RSBN1L: variants seen among roughly 807,000 people sequenced by gnomAD.
The protein encoded by RSBN1L is lysine-specific demethylase RSBN1L.
RSBN1L carries 30 observed loss-of-function variants against 67.7 expected under a neutral mutation model. The ratio of observed to expected loss-of-function variants is 0.44; its 90% confidence interval spans 0.33 to 0.60. The LOEUF (loss-of-function observed/expected upper bound fraction) is 0.60, where lower values mean the gene tolerates loss of function less well. RSBN1L is among the 20% of genes least tolerant of loss of function. The probability of loss-of-function intolerance (pLI) is 0.02; values close to 1 mark genes in which losing one functional copy is unlikely to be tolerated. For synonymous variants in RSBN1L, 433 were observed against 387.0 expected (o/e 1.12, Z -1.39); for missense variants, 992 against 1,031.7 (o/e 0.96, Z 0.53).
At chr7:77,736,000 A>G (rs1027386018) in intron 1 of RSBN1L, among the ~76,000 whole-genome samples, 6 of 152,134 alleles carry the variant, frequency 3.9e-5, no homozygotes, top group African/African-American at 9.6e-5. Flanking sequence ...GAAGGTATCA[A>G]TTACCATTTA....
chr7:77,770,925 T>A (rs1791840237), intron 5 of RSBN1L, among the ~76,000 whole-genome samples: 1 of 152,150 alleles, frequency 6.6e-6, no homozygotes, highest in African/African-American at 2.4e-5. Flanking sequence ...CTAGGAGAGA[T>A]TATAGCCTTT....
At chr7:77,766,902 G>A (rs1265251203) in intron 4 of RSBN1L, among the ~76,000 whole-genome samples, 1 of 151,722 alleles carries the variant, frequency 6.6e-6, no homozygotes, top group African/African-American at 2.4e-5. Flanking sequence ...ATGGAATTAG[G>A]TTGCATTTAT....
chr7:77,765,639 G>C lies in RSBN1L; in HGVS notation c.1482+7G>C. On this transcript the variant is annotated splice_region_variant and intron_variant, in intron 4 of 7. Coordinates refer to ENST00000334955, the MANE Select transcript of RSBN1L (RefSeq NM_198467.3). ...AGAGTCACCATTTTTAAAAGTAAGA[G>C]ACAATCTGTCATGGGATTAGAGTTT... 1 of 1,583,070 alleles carries C rather than the reference G, an allele frequency of 6.3e-7. No individual in the cohort carries two copies.
At chr7:77,754,162 T>G (rs1214736646) in intron 3 of RSBN1L, among the ~76,000 whole-genome samples, 1 of 152,174 alleles carries the variant, frequency 6.6e-6, no homozygotes, top group Non-Finnish European at 1.5e-5. Context: ...CTCAGCTTCC[T>G]GGGTAGCTGG....
chr7:77,711,310 T>C (rs1051178365), intron 1 of RSBN1L, among the ~76,000 whole-genome samples: 5 of 150,376 alleles, frequency 3.3e-5, no homozygotes, highest in Non-Finnish European at 5.9e-5. Context: ...AAAAAAGATA[T>C]TTTGCATATT....
intron 2 of RSBN1L, among the ~76,000 whole-genome samples, chr7:77,747,835 A>G (rs1225288708): frequency 2.0e-5 from 3 of 151,984 alleles, no homozygotes; most frequent in African/African-American, 7.3e-5. Flanking sequence ...GGTAATTTAT[A>G]AAGAAAAGAG....
intron 6 of RSBN1L, among the ~76,000 whole-genome samples, chr7:77,776,711 A>ATATAGC (rs1446731420): frequency 2.7e-5 from 4 of 149,562 alleles, no homozygotes; most frequent in South Asian, 2.1e-4. Flanking sequence ...AACTTTGTTA[A>ATATAGC]TATAGCCAAT....
At chr7:77,727,119 C>T (rs1791214293) in intron 1 of RSBN1L, among the ~76,000 whole-genome samples, 1 of 145,756 alleles carries the variant, frequency 6.9e-6, no homozygotes, top group Non-Finnish European at 1.5e-5. Context: ...TGGAGTTTCG[C>T]TCTTGTTGCC....
At chr7:77,766,032 G>A (rs1251634606) in intron 4 of RSBN1L, among the ~76,000 whole-genome samples, 4 of 152,314 alleles carry the variant, frequency 2.6e-5, no homozygotes, top group East Asian at 3.9e-4. Flanking sequence ...TGGCAGTTTA[G>A]CATTCCTAAA....
intron 1 of RSBN1L, among the ~76,000 whole-genome samples, chr7:77,725,972 T>A (rs1791198638): frequency 6.6e-6 from 1 of 152,166 alleles, no homozygotes; most frequent in Non-Finnish European, 1.5e-5. Context: ...TAACAGTGTG[T>A]CTTGTAGCGC....
intron 1 of RSBN1L, among the ~76,000 whole-genome samples, chr7:77,709,152 T>TTGTGTG (rs67322019): frequency 7.1e-4 from 101 of 142,458 alleles, no homozygotes; most frequent in African/African-American, 2.4e-3. Context: ...GGGATTCTGT[T>TTGTGTG]TGTGTGTGTG....
intron 2 of RSBN1L, among the ~76,000 whole-genome samples, chr7:77,742,111 C>T (rs1791418176): frequency 6.8e-6 from 1 of 148,054 alleles, no homozygotes; most frequent in African/African-American, 2.5e-5. Context: ...CGGAGGATTG[C>T]TTGAGCCTGG....
intron 5 of RSBN1L, among the ~76,000 whole-genome samples, chr7:77,772,767 A>G (rs1480432660): frequency 6.6e-6 from 1 of 152,236 alleles, no homozygotes; most frequent in African/African-American, 2.4e-5. Flanking sequence ...TGTCCTATCA[A>G]TATTGAATTA....
chr7:77,742,057 T>C (rs979151046), intron 2 of RSBN1L, among the ~76,000 whole-genome samples: 1 of 151,520 alleles, frequency 6.6e-6, no homozygotes, highest in Non-Finnish European at 1.5e-5. Flanking sequence ...AGGACAGGCA[T>C]GGTGGCTCAC....
chr7:77,718,689 T>A (rs1435438798), intron 1 of RSBN1L, among the ~76,000 whole-genome samples: 2 of 152,246 alleles, frequency 1.3e-5, no homozygotes, highest in Admixed American at 6.5e-5. Context: ...TCATTATCTA[T>A]AATAAGACTT....
At chr7:77,749,021 C>T (rs998490222) in intron 2 of RSBN1L, among the ~76,000 whole-genome samples, 13 of 151,936 alleles carry the variant, frequency 8.6e-5, no homozygotes, top group African/African-American at 1.2e-4. Flanking sequence ...TTCGGGAGGC[C>T]GAAGCGGGCA....
intron 1 of RSBN1L, among the ~76,000 whole-genome samples, chr7:77,708,385 A>AG (rs1769762530): frequency 7.0e-6 from 1 of 142,386 alleles, no homozygotes; most frequent in Non-Finnish European, 1.5e-5. Context: ...GGATGAGACT[A>AG]TTTTTTTTTT....
At chr7:77,717,425 A>G (rs1791062612) in intron 1 of RSBN1L, among the ~76,000 whole-genome samples, 1 of 152,186 alleles carries the variant, frequency 6.6e-6, no homozygotes, top group South Asian at 2.1e-4. Flanking sequence ...TGGATATATA[A>G]TGTTATAACA....
chr7:77,700,646 T>C (rs1028993165), intron 1 of RSBN1L, among the ~76,000 whole-genome samples: 1 of 152,280 alleles, frequency 6.6e-6, no homozygotes, highest in Admixed American at 6.5e-5. Flanking sequence ...TTTTATCATA[T>C]GACTAAATAT....
Sources: allele counts gnomAD v4.1 joint callset (sites outside exome capture counted in the v4.1 genomes callset), GRCh38; gene constraint gnomAD v4.1.1; transcripts MANE v1.5; gene names NCBI Gene and HGNC (gene_info 2026-07-23, HGNC 2026-07-21).